DPYSL5: variants seen among roughly 807,000 people sequenced by gnomAD.
DPYSL5 encodes dihydropyrimidinase like 5.
Under a neutral mutation model 58.4 loss-of-function variants are expected in DPYSL5, and 9 were observed. The observed-to-expected ratio is 0.15, with a 90% CI of 0.09 to 0.27. The LOEUF (loss-of-function observed/expected upper bound fraction) is 0.27. Ranked by LOEUF, DPYSL5 falls within the 10% of genes least tolerant of loss-of-function variation. The pLI is 1.00. For synonymous variants in DPYSL5, 293 were observed against 301.9 expected (o/e 0.97, Z 0.31); for missense variants, 499 against 770.6 (o/e 0.65, Z 4.17).
upstream of DPYSL5, chr2:26,848,097 C>G (rs1175954705): frequency 6.6e-6 from 1 of 151,524 alleles, no homozygotes. Context: ...GCCCCTCCCC[C>G]GCTCCCCACT....
At chr2:26,893,678 G>T (rs1241294903) in intron 1 of DPYSL5, among the ~76,000 whole-genome samples, 1 of 152,134 alleles carries the variant, frequency 6.6e-6, no homozygotes, top group African/African-American at 2.4e-5. Flanking sequence ...CTGAGGATGG[G>T]GAGCGGGCGG....
chr2:26,881,224 C>T (rs888902432), intron 1 of DPYSL5, among the ~76,000 whole-genome samples: 1 of 152,176 alleles, frequency 6.6e-6, no homozygotes. Flanking sequence ...TCACTCACTC[C>T]CATTCATTTC....
At chr2:26,858,417 C>A (rs1276128630) in intron 1 of DPYSL5, among the ~76,000 whole-genome samples, 4 of 152,068 alleles carry the variant, frequency 2.6e-5, no homozygotes, top group Admixed American at 1.3e-4. Flanking sequence ...GTGATCTGCC[C>A]GCCTCGGCCT....
chr2:26,906,330 C>A (rs548061257), intron 2 of DPYSL5, among the ~76,000 whole-genome samples: 14 of 151,988 alleles, frequency 9.2e-5, no homozygotes, highest in Non-Finnish European at 1.8e-4. Flanking sequence ...AGTACAGGCG[C>A]CTGCCACCAC....
intron 5 of DPYSL5, among the ~76,000 whole-genome samples, chr2:26,931,152 A>T (rs1003586890): frequency 0.23 from 10,998 of 48,528 alleles, 821 homozygotes; most frequent in Non-Finnish European, 0.31. Context: ...AAAAAAAAAA[A>T]ATATATATAT....
intron 2 of DPYSL5, among the ~76,000 whole-genome samples, chr2:26,903,752 A>G (rs1664218909): frequency 6.6e-6 from 1 of 151,856 alleles, no homozygotes; most frequent in East Asian, 1.9e-4. Context: ...TTCTATTCAC[A>G]TTGCAACACC....
In DPYSL5 at chr2:26,936,945, T is replaced by TAAAAAA. The variant is rs55795892; in HGVS notation, c.947+2222_947+2227dup. Among the ~76,000 whole-genome samples the TAAAAAA allele has an allele frequency of 3.1e-4, 24 of 77,894 alleles. 1 individual carries two copies. Among genetic ancestry groups the TAAAAAA allele is most frequent in the African/African-American group, 1.1e-3 (23 of 20,100 alleles). 51.1% of individuals were successfully genotyped at this position (77,894 alleles called of 152,430 possible). On this transcript the variant is annotated intron_variant, in intron 8 of 12. Coordinates refer to ENST00000288699, the MANE Select transcript of DPYSL5 (RefSeq NM_020134.4). ...TGGGCAACAAGAGCAAGACTTCATTTAAAAAAAAAAAAAAAAGCTTGTTTT... is the reference window on the plus strand; with the variant it reads ...TGGGCAACAAGAGCAAGACTTCATTTAAAAAAAAAAAAAAAAAAAAAAGCTTGTTTT...
intron 8 of DPYSL5, among the ~76,000 whole-genome samples, chr2:26,935,801 C>A (rs541072243): frequency 6.6e-6 from 1 of 152,212 alleles, no homozygotes; most frequent in African/African-American, 2.4e-5. Context: ...TGATCCCCAG[C>A]TCAGCTTGGG....
At chr2:26,932,291 C>T (rs1665054818) in intron 6 of DPYSL5, among the ~76,000 whole-genome samples, 1 of 152,114 alleles carries the variant, frequency 6.6e-6, no homozygotes, top group Non-Finnish European at 1.5e-5. Context: ...CATGTCTTGC[C>T]CACAGGAACC....
chr2:26,931,203 G>GTGTGTATGTATATA (rs1474347605), intron 5 of DPYSL5, among the ~76,000 whole-genome samples: 4 of 44,910 alleles, frequency 8.9e-5, no homozygotes, highest in African/African-American at 3.2e-4. Context: ...GTGTGTGTGT[G>GTGTGTATGTATATA]TATATATATA....
intron 2 of DPYSL5, among the ~76,000 whole-genome samples, chr2:26,903,338 C>T (rs1277933637): frequency 2.6e-5 from 4 of 152,140 alleles, no homozygotes; most frequent in Non-Finnish European, 5.9e-5. Flanking sequence ...CCAAATATTC[C>T]TCTACTTTCT....
At chr2:26,896,638 A>T (rs772273815) in intron 1 of DPYSL5, among the ~76,000 whole-genome samples, 1 of 152,170 alleles carries the variant, frequency 6.6e-6, no homozygotes, top group African/African-American at 2.4e-5. Flanking sequence ...ATGATTAGTG[A>T]TGTTGAGCAC....
chr2:26,932,709 A>G (rs187699112), intron 6 of DPYSL5, among the ~76,000 whole-genome samples: 23 of 152,268 alleles, frequency 1.5e-4, no homozygotes, highest in African/African-American at 5.1e-4. Context: ...CTTAGTAGAG[A>G]AAAAGCTAAC....
At chr2:26,945,459 G>T (rs1232339130) in intron 12 of DPYSL5, among the ~76,000 whole-genome samples, 1 of 152,024 alleles carries the variant, frequency 6.6e-6, no homozygotes, top group Non-Finnish European at 1.5e-5. Context: ...GGTTCCTTGG[G>T]GGGTGCGATC....
chr2:26,897,205 G>A (rs1053403533), intron 1 of DPYSL5, among the ~76,000 whole-genome samples: 1 of 152,122 alleles, frequency 6.6e-6, no homozygotes, highest in African/African-American at 2.4e-5. Flanking sequence ...AACCTACGTT[G>A]CCTAGCACTG....
intron 1 of DPYSL5, among the ~76,000 whole-genome samples, chr2:26,850,024 C>G (rs1245367445): frequency 6.6e-6 from 1 of 152,186 alleles, no homozygotes; most frequent in African/African-American, 2.4e-5. Context: ...CGGGTTCCCC[C>G]GAGCAGCGGC....
intron 1 of DPYSL5, among the ~76,000 whole-genome samples, chr2:26,882,200 T>C (rs1663586452): frequency 6.6e-6 from 1 of 152,100 alleles, no homozygotes; most frequent in African/African-American, 2.4e-5. Context: ...CAATTTTTTT[T>C]CAAACAATAT....
chr2:26,932,189 A>T (rs4665928), intron 6 of DPYSL5, among the ~76,000 whole-genome samples: 5 of 72,062 alleles, frequency 6.9e-5, no homozygotes, highest in African/African-American at 2.5e-4. Flanking sequence ...GAAAGAAAGA[A>T]AGAAAGAAAG....
chr2:26,942,873 C>G lies in DPYSL5; in HGVS notation c.1440+123C>G. On this transcript the variant is annotated intron_variant, in intron 11 of 12. Coordinates refer to ENST00000288699, the MANE Select transcript of DPYSL5 (RefSeq NM_020134.4). This position sits in a 1 kb window ranked among gnomAD's most constrained non-coding sequence, Gnocchi z 5.9. ...TTTCGACCCAATTCCATTGCACTTTCTCCAGCGTTGAGAGGGGAGTGTGCG... is the reference window on the plus strand; with the variant it reads ...TTTCGACCCAATTCCATTGCACTTTGTCCAGCGTTGAGAGGGGAGTGTGCG... 1 of 1,148,574 alleles carries G rather than the reference C, an allele frequency of 8.7e-7. No individual in the cohort carries two copies. Among genetic ancestry groups the G allele is most frequent in the Non-Finnish European group, 1.2e-6 (1 of 808,570 alleles). The allele number at this position is 1,148,574 out of a possible 1,614,324, so 71.1% of individuals were successfully genotyped here.
Sources: gnomAD v4.1 joint callset for allele counts (sites outside exome capture counted in the v4.1 genomes callset) on GRCh38, gnomAD v4.1.1 for gene constraint, Gnocchi (gnomAD v3.1) non-coding constraint, MANE v1.5 for transcripts, NCBI Gene and HGNC (gene_info 2026-07-23, HGNC 2026-07-21) for gene names.